The following C8orf34 variants were observed in gnomAD, a reference collection of about 807,000 sequenced individuals.
C8orf34 encodes chromosome 8 open reading frame 34.
A neutral mutation model predicts 68.3 loss-of-function variants in C8orf34; 65 were observed. That is an observed-to-expected ratio of 0.95 (90% confidence interval 0.78 to 1.17). C8orf34 has a LOEUF of 1.17. C8orf34 is among the 50% of genes most tolerant of loss of function. The probability of loss-of-function intolerance (pLI) is 0.00; values close to 1 mark genes in which losing one functional copy is unlikely to be tolerated. For missense variants in C8orf34, 664 were observed against 655.4 expected, an observed-to-expected ratio of 1.01 and a Z score of -0.14; for synonymous variants, 244 against 241.2, an observed-to-expected ratio of 1.01 and a Z score of -0.11.
intron 7 of C8orf34, among the ~76,000 whole-genome samples, chr8:68,550,041 G>T (rs1245685416): frequency 6.6e-6 from 1 of 151,544 alleles, no homozygotes; most frequent in Non-Finnish European, 1.5e-5. Flanking sequence ...TGATCACTTT[G>T]GCAAACTCTT....
At chr8:68,564,589 C>A (rs999270624) in intron 7 of C8orf34, among the ~76,000 whole-genome samples, 1 of 152,142 alleles carries the variant, frequency 6.6e-6, no homozygotes, top group Non-Finnish European at 1.5e-5. Context: ...AGATTTCTAC[C>A]CAAGCACAGC....
intron 7 of C8orf34, among the ~76,000 whole-genome samples, chr8:68,538,505 T>C (rs1815575362): frequency 6.6e-6 from 1 of 152,008 alleles, no homozygotes; most frequent in Non-Finnish European, 1.5e-5. Flanking sequence ...AACAGGAATA[T>C]TTGACAAAAG....
intron 7 of C8orf34, among the ~76,000 whole-genome samples, chr8:68,585,269 G>C (rs1207934522): frequency 1.3e-5 from 2 of 152,102 alleles, no homozygotes; most frequent in Admixed American, 6.6e-5. Flanking sequence ...GGAAGTGACA[G>C]CGTGATGAAA....
intron 1 of C8orf34, among the ~76,000 whole-genome samples, chr8:68,339,306 T>C (rs972746115): frequency 2.0e-5 from 3 of 152,006 alleles, no homozygotes; most frequent in Non-Finnish European, 4.4e-5. Flanking sequence ...AGATGCAAGG[T>C]ATCTTTTACA....
In C8orf34 at chr8:68,721,393, G is replaced by A. The variant is rs756214945; in HGVS notation, c.1360G>A (p.Glu454Lys). Residue 454 changes from glutamate to lysine, a missense_variant, in exon 10 of 14, where the codon GAG becomes AAG. Coordinates refer to ENST00000518698, the MANE Select transcript of C8orf34 (RefSeq NM_052958.4). ...GCCTGGGACTGAAGAAGCACTAATG[G>A]AGGAGGGTGACGAATTTGAGAAAGC... The part of the protein sequence containing the change: ...SLPGTEEALM[E>K]EGDEFEKASK... 6.2e-7 allele frequency: 1 copy of A among 1,609,522 alleles called. No individual in the cohort carries two copies.
chr8:68,331,495 G>C, intron 1 of C8orf34, 156 bp downstream of exon 1: 1 of 834,296 alleles, frequency 1.2e-6, no homozygotes, highest in Non-Finnish European at 1.9e-6. Flanking sequence ...CATTCGCTCT[G>C]TCCCGGCCAG....
chr8:68,588,593 G>A (rs79319223), intron 7 of C8orf34, among the ~76,000 whole-genome samples: 4,340 of 152,210 alleles, frequency 0.029, 203 homozygotes, highest in African/African-American at 0.098. Flanking sequence ...CAACCCAGTC[G>A]AATGAGGAAA....
intron 10 of C8orf34, among the ~76,000 whole-genome samples, chr8:68,774,978 G>A (rs375734498): frequency 7.9e-5 from 8 of 101,130 alleles, no homozygotes; most frequent in African/African-American, 2.3e-4. Context: ...TTAGCTGGGC[G>A]GGGTGGCACA....
intron 1 of C8orf34, among the ~76,000 whole-genome samples, chr8:68,380,993 C>G (rs920017968): frequency 6.6e-6 from 1 of 151,958 alleles, no homozygotes; most frequent in African/African-American, 2.4e-5. Flanking sequence ...ATAAGTTGTC[C>G]TAGAGAAAAG....
At chr8:68,755,707 G>A (rs1822834863) in intron 10 of C8orf34, among the ~76,000 whole-genome samples, 1 of 152,088 alleles carries the variant, frequency 6.6e-6, no homozygotes, top group Non-Finnish European at 1.5e-5. Flanking sequence ...TAACTAGGGG[G>A]AACTGTATCC....
intron 3 of C8orf34, 178 bp downstream of exon 3, chr8:68,446,638 G>C: frequency 3.3e-6 from 2 of 610,924 alleles, no homozygotes; most frequent in Non-Finnish European, 5.5e-6. Flanking sequence ...GTATGTATTT[G>C]CTTGCTTATA....
chr8:68,624,192 A>C (rs1192043024), intron 7 of C8orf34, among the ~76,000 whole-genome samples: 2 of 151,566 alleles, frequency 1.3e-5, no homozygotes, highest in African/African-American at 2.4e-5. Context: ...GAATCACTTG[A>C]ATCTGGGAGG....
At chr8:68,510,367 G>C (rs867054450) in intron 5 of C8orf34, among the ~76,000 whole-genome samples, 90 of 152,182 alleles carry the variant, frequency 5.9e-4, no homozygotes, top group African/African-American at 2.1e-3. Flanking sequence ...AACCTCTGAG[G>C]GATAGGCATC....
chr8:68,782,979 G>C (rs868641449), intron 11 of C8orf34, among the ~76,000 whole-genome samples: 30 of 151,686 alleles, frequency 2.0e-4, no homozygotes, highest in Middle Eastern at 3.4e-3. Context: ...GGCTGAGAGG[G>C]GAGAATGGCT....
intron 7 of C8orf34, among the ~76,000 whole-genome samples, chr8:68,557,503 A>G (rs767418885): frequency 2.0e-5 from 3 of 152,220 alleles, no homozygotes; most frequent in Non-Finnish European, 4.4e-5. Context: ...TGACTCATCA[A>G]ACAAAACCAT....
chr8:68,556,338 A>G (rs1351934493), intron 7 of C8orf34, among the ~76,000 whole-genome samples: 1 of 109,520 alleles, frequency 9.1e-6, no homozygotes, highest in African/African-American at 3.5e-5. Flanking sequence ...TTATTGTTTG[A>G]TTTTGTACAC....
At chr8:68,551,872 A>G (rs1816084014) in intron 7 of C8orf34, among the ~76,000 whole-genome samples, 3 of 152,120 alleles carry the variant, frequency 2.0e-5, no homozygotes, top group African/African-American at 7.2e-5. Flanking sequence ...ATTTATGCCC[A>G]TGATTTCTGT....
At chr8:68,450,760 A>G (rs1279346361) in intron 3 of C8orf34, among the ~76,000 whole-genome samples, 2 of 152,094 alleles carry the variant, frequency 1.3e-5, no homozygotes, top group Non-Finnish European at 2.9e-5. Context: ...TTGTTGTTTT[A>G]TCTGTAGAGC....
At chr8:68,796,096 G>A (rs1390273566) in intron 12 of C8orf34, among the ~76,000 whole-genome samples, 1 of 152,176 alleles carries the variant, frequency 6.6e-6, no homozygotes, top group Non-Finnish European at 1.5e-5. Context: ...CTGTCATTGT[G>A]AGTCTGCTGA....
Sources: allele counts gnomAD v4.1 joint callset (sites outside exome capture counted in the v4.1 genomes callset), GRCh38; gene constraint gnomAD v4.1.1; transcripts MANE v1.5; gene names NCBI Gene and HGNC (gene_info 2026-07-23, HGNC 2026-07-21).